The following LINGO2 variants were observed in gnomAD, a reference collection of about 807,000 sequenced individuals.
LINGO2 encodes leucine rich repeat and Ig domain containing 2, also known as leucine-rich repeat and immunoglobulin-like domain-containing nogo receptor-interacting protein 2.
In LINGO2, 14 loss-of-function variants were observed where a neutral mutation model predicts 30.6. The observed-to-expected ratio is 0.46, with a 90% CI of 0.30 to 0.72. LINGO2 has a LOEUF of 0.72. LINGO2 is among the 30% of genes least tolerant of loss of function. The probability of loss-of-function intolerance (pLI) is 0.07; values close to 1 mark genes in which losing one functional copy is unlikely to be tolerated. For missense variants in LINGO2, 729 were observed against 751.7 expected (o/e 0.97, Z 0.35); for synonymous variants, 317 against 288.5 (o/e 1.10, Z -1.00).
intron 5 of LINGO2, among the ~76,000 whole-genome samples, chr9:28,003,362 G>T (rs1346192571): frequency 6.9e-6 from 1 of 145,514 alleles, no homozygotes; most frequent in African/African-American, 2.6e-5. Flanking sequence ...TAGATAGATA[G>T]ATAGATAGAT....
intron 1 of LINGO2, among the ~76,000 whole-genome samples, chr9:28,515,156 G>A (rs1406676502): frequency 3.3e-5 from 5 of 152,048 alleles, no homozygotes; most frequent in East Asian, 1.9e-4. Flanking sequence ...TGCAGTCCAC[G>A]GATCAAGGAG....
chr9:28,248,373 A>C (rs981739695), intron 4 of LINGO2, among the ~76,000 whole-genome samples: 7 of 152,158 alleles, frequency 4.6e-5, no homozygotes, highest in African/African-American at 1.4e-4. Flanking sequence ...GAAACTATGC[A>C]TGTTTTTACT....
At chr9:28,937,597 C>T in the LINGO2 span, among the ~76,000 whole-genome samples, 1 of 152,044 alleles carries the variant, frequency 6.6e-6, no homozygotes, top group South Asian at 2.1e-4. Flanking sequence ...GAGTCCCACC[C>T]ACTCAGCCAT....
intron 4 of LINGO2, among the ~76,000 whole-genome samples, chr9:28,097,645 T>G (rs1826283988): frequency 8.2e-6 from 1 of 122,128 alleles, no homozygotes; most frequent in Non-Finnish European, 1.6e-5. Flanking sequence ...TGAGATCACA[T>G]GGACACAGGA....
At chr9:28,700,381 G>C in the LINGO2 span, among the ~76,000 whole-genome samples, 1 of 151,952 alleles carries the variant, frequency 6.6e-6, no homozygotes, top group Non-Finnish European at 1.5e-5. Context: ...TCCTATAGTT[G>C]GGGGTCACAC....
At chr9:28,051,223 T>G (rs994788457) in intron 4 of LINGO2, among the ~76,000 whole-genome samples, 1 of 151,874 alleles carries the variant, frequency 6.6e-6, no homozygotes, top group South Asian at 2.1e-4. Context: ...TAGTATAGTT[T>G]TCTCCAAAGT....
At chr9:28,623,104 T>C (rs1365659412) in intron 1 of LINGO2, among the ~76,000 whole-genome samples, 1 of 152,104 alleles carries the variant, frequency 6.6e-6, no homozygotes, top group East Asian at 1.9e-4. Context: ...CCTTTTCAGA[T>C]GCGTAGTTTG....
chr9:28,248,839 T>C (rs1180021390), intron 4 of LINGO2, among the ~76,000 whole-genome samples: 1 of 152,184 alleles, frequency 6.6e-6, no homozygotes, highest in African/African-American at 2.4e-5. Context: ...TTGCTAGTGT[T>C]GAGAAACAGT....
At chr9:28,816,665 G>C in the LINGO2 span, among the ~76,000 whole-genome samples, 1 of 152,080 alleles carries the variant, frequency 6.6e-6, no homozygotes, top group African/African-American at 2.4e-5. Flanking sequence ...AAGTATCATA[G>C]GAGTTGCCTG....
At chr9:28,139,737 G>A (rs551314202) in intron 4 of LINGO2, among the ~76,000 whole-genome samples, 10 of 151,896 alleles carry the variant, frequency 6.6e-5, no homozygotes, top group East Asian at 1.9e-4. Flanking sequence ...AAGGTATCAC[G>A]AAATAAAAAA....
the LINGO2 span, among the ~76,000 whole-genome samples, chr9:28,987,897 T>C: frequency 6.6e-6 from 1 of 152,348 alleles, no homozygotes; most frequent in South Asian, 2.1e-4. Context: ...TCAGAAAACA[T>C]ACCTGATATG....
At chr9:28,748,394 T>G in the LINGO2 span, among the ~76,000 whole-genome samples, 2 of 3,722 alleles carry the variant, frequency 5.4e-4, no homozygotes, top group Admixed American at 6.9e-3. Context: ...AAAATAGAAA[T>G]TTCTAACAAC....
chr9:29,120,579 C>A, the LINGO2 span, among the ~76,000 whole-genome samples: 1 of 152,300 alleles, frequency 6.6e-6, no homozygotes, highest in East Asian at 1.9e-4. Context: ...GTTCCTCAAA[C>A]AACCAATGCT....
At chr9:28,347,760 C>G (rs1331967719) in intron 3 of LINGO2, among the ~76,000 whole-genome samples, 1 of 152,092 alleles carries the variant, frequency 6.6e-6, no homozygotes, top group Non-Finnish European at 1.5e-5. Context: ...TAAAGGTGTG[C>G]AGTAATTCCA....
At chr9:28,437,188 C>T (rs1182870961) in intron 2 of LINGO2, among the ~76,000 whole-genome samples, 1 of 152,158 alleles carries the variant, frequency 6.6e-6, no homozygotes, top group Non-Finnish European at 1.5e-5. Flanking sequence ...GGCTGGGGCC[C>T]AGATAAGACA....
chr9:28,716,988 A>G, the LINGO2 span, among the ~76,000 whole-genome samples: 1 of 152,084 alleles, frequency 6.6e-6, no homozygotes, highest in Non-Finnish European at 1.5e-5. Context: ...TCTGCTATAC[A>G]ATTATAGACA....
intron 4 of LINGO2, among the ~76,000 whole-genome samples, chr9:28,254,304 T>C (rs1822307439): frequency 6.6e-6 from 1 of 152,120 alleles, no homozygotes; most frequent in Admixed American, 6.6e-5. Flanking sequence ...TTTAATGCTA[T>C]TTCCACTGTA....
At chr9:29,122,089 C>A in the LINGO2 span, among the ~76,000 whole-genome samples, 26 of 151,676 alleles carry the variant, frequency 1.7e-4, no homozygotes, top group African/African-American at 6.3e-4. Flanking sequence ...AAATACTTTT[C>A]TCTTAAGCAA....
At chr9:28,262,158 T>G (rs1042101949) in intron 4 of LINGO2, among the ~76,000 whole-genome samples, 6 of 151,892 alleles carry the variant, frequency 4.0e-5, no homozygotes, top group African/African-American at 1.2e-4. Flanking sequence ...TTCCTTAAAA[T>G]GGATGTTGTA....
Sources: gnomAD v4.1 joint callset for allele counts (sites outside exome capture counted in the v4.1 genomes callset) on GRCh38, gnomAD v4.1.1 for gene constraint, MANE v1.5 for transcripts, NCBI Gene and HGNC (gene_info 2026-07-23, HGNC 2026-07-21) for gene names.